The following PTPN13 variants were observed in gnomAD, a reference collection of about 807,000 sequenced individuals.
PTPN13 encodes the protein protein tyrosine phosphatase non-receptor type 13, also known as tyrosine-protein phosphatase non-receptor type 13.
Under a neutral mutation model 284.0 loss-of-function variants are expected in PTPN13, and 191 were observed. The observed-to-expected ratio is 0.67, with a 90% CI of 0.60 to 0.76. The LOEUF (loss-of-function observed/expected upper bound fraction) is 0.76. Among genes scored for constraint, PTPN13 ranks in the 30% least tolerant of loss-of-function variants. The pLI, the probability that PTPN13 is intolerant of heterozygous loss-of-function variation, is 0.00. For synonymous variants in PTPN13, 986 were observed against 1,022.3 expected, an observed-to-expected ratio of 0.96 and a Z score of 0.68; for missense variants, 2,797 against 2,939.9, an observed-to-expected ratio of 0.95 and a Z score of 1.12.
Position 86,615,865 on chromosome 4 carries a change from A to G in PTPN13, c.-5-19387A>G, listed in dbSNP as rs1011373435. ...ATCATATCTCCTACTCTCTTCCCCA[A>G]TGGAAACAGTTCCAGCTATTTCTAA... On this transcript the variant is annotated intron_variant, in intron 1 of 47. Transcript: ENST00000411767. 4.6e-5 allele frequency among the ~76,000 whole-genome samples: 7 copies of G among 152,272 alleles called. No homozygotes were observed. The East Asian group carries it at 7.7e-4, about 17-fold the overall frequency.
At chr4:86,788,234 T>C (rs890703817) in intron 40 of PTPN13, among the ~76,000 whole-genome samples, 1 of 152,164 alleles carries the variant, frequency 6.6e-6, no homozygotes, top group Non-Finnish European at 1.5e-5. Context: ...ATATGACTAA[T>C]CTCCCCTAGC....
At chr4:86,732,830 T>A in intron 12 of PTPN13, 64 bp downstream of exon 12, 3 of 1,406,174 alleles carry the variant, frequency 2.1e-6, no homozygotes, top group Non-Finnish European at 2.9e-6. Context: ...ACTTCCTATG[T>A]TTGTTACCAT....
intron 1 of PTPN13, among the ~76,000 whole-genome samples, chr4:86,626,692 A>C (rs948701309): frequency 6.6e-6 from 1 of 152,154 alleles, no homozygotes; most frequent in Non-Finnish European, 1.5e-5. Context: ...TATGAAAAAC[A>C]GTAATCCTGA....
intron 14 of PTPN13, among the ~76,000 whole-genome samples, chr4:86,735,326 G>A (rs1225200269): frequency 6.6e-6 from 1 of 152,178 alleles, no homozygotes; most frequent in African/African-American, 2.4e-5. Flanking sequence ...TGCTGGAGCA[G>A]CATCCTTCAC....
At chr4:86,740,539 T>C (rs1032475106) in intron 15 of PTPN13, among the ~76,000 whole-genome samples, 3 of 152,130 alleles carry the variant, frequency 2.0e-5, no homozygotes, top group East Asian at 3.9e-4. Flanking sequence ...AAAACCATTT[T>C]TTCCTCCTAA....
intron 1 of PTPN13, among the ~76,000 whole-genome samples, chr4:86,628,500 T>A (rs927210688): frequency 1.0e-5 from 1 of 98,712 alleles, no homozygotes; most frequent in African/African-American, 4.7e-5. Flanking sequence ...ATTTTTTTTT[T>A]TAATTTTTTT....
intron 2 of PTPN13, among the ~76,000 whole-genome samples, chr4:86,662,924 AG>A (rs1481373881): frequency 6.6e-6 from 1 of 152,230 alleles, no homozygotes; most frequent in East Asian, 1.9e-4. Context: ...CAGAAGCAGG[AG>A]GATTGCTTGA....
At chr4:86,783,089 A>G (rs1293444288) in intron 37 of PTPN13, among the ~76,000 whole-genome samples, 2 of 152,318 alleles carry the variant, frequency 1.3e-5, no homozygotes, top group East Asian at 3.9e-4. Flanking sequence ...TTATGTCAAC[A>G]TGAGCTGGCT....
At chr4:86,680,407 C>G (rs1315044352) in intron 3 of PTPN13, among the ~76,000 whole-genome samples, 1 of 151,096 alleles carries the variant, frequency 6.6e-6, no homozygotes, top group Non-Finnish European at 1.5e-5. Flanking sequence ...CTATCTCTAT[C>G]TCTATCTCTG....
At chr4:86,644,395 C>T (rs1446228183) in intron 2 of PTPN13, among the ~76,000 whole-genome samples, 2 of 152,154 alleles carry the variant, frequency 1.3e-5, no homozygotes, top group Admixed American at 6.5e-5. Context: ...TCGCATCAGC[C>T]TCGCAAAGTG....
chr4:86,810,893 C>T (rs1190582936), intron 46 of PTPN13, among the ~76,000 whole-genome samples, 153 bp from the exon 47 acceptor site: 1 of 152,146 alleles, frequency 6.6e-6, no homozygotes, highest in East Asian at 1.9e-4. Context: ...GTCCATTCGC[C>T]AAGTCATTTT....
intron 30 of PTPN13, among the ~76,000 whole-genome samples, chr4:86,770,745 A>G (rs530038434): frequency 6.6e-6 from 1 of 152,284 alleles, no homozygotes; most frequent in East Asian, 1.9e-4. Flanking sequence ...ATAGAAACTC[A>G]GGTAAAAATT....
At chr4:86,656,175 C>T (rs1050742153) in intron 2 of PTPN13, among the ~76,000 whole-genome samples, 4 of 152,270 alleles carry the variant, frequency 2.6e-5, no homozygotes, top group Non-Finnish European at 4.4e-5. Context: ...AGCTTCTTTG[C>T]GATGAGTTCC....
intron 14 of PTPN13, among the ~76,000 whole-genome samples, chr4:86,735,326 G>T (rs1225200269): frequency 1.3e-5 from 2 of 152,178 alleles, no homozygotes; most frequent in Non-Finnish European, 2.9e-5. Context: ...TGCTGGAGCA[G>T]CATCCTTCAC....
intron 1 of PTPN13, among the ~76,000 whole-genome samples, chr4:86,596,867 T>C (rs1763854841): frequency 6.6e-6 from 1 of 152,218 alleles, no homozygotes; most frequent in Non-Finnish European, 1.5e-5. Context: ...AAAACATTTT[T>C]ATGCATAATT....
At chr4:86,678,348 G>T (rs1170496623) in intron 3 of PTPN13, among the ~76,000 whole-genome samples, 2 of 152,004 alleles carry the variant, frequency 1.3e-5, no homozygotes, top group African/African-American at 4.8e-5. Flanking sequence ...GAGGTCAAAG[G>T]AATAAGCCCA....
intron 40 of PTPN13, among the ~76,000 whole-genome samples, chr4:86,791,034 T>G (rs1227203307): frequency 3.3e-5 from 5 of 151,748 alleles, no homozygotes; most frequent in Non-Finnish European, 7.4e-5. Context: ...TGAAGCAGGG[T>G]GGGGCGTCGC....
chr4:86,763,145 T>C lies in PTPN13; in HGVS notation c.3972T>C (p.Asp1324=). The C allele has an allele frequency of 6.2e-7, 1 of 1,613,618 alleles. No individual in the cohort carries two copies. The highest frequency in any genetic ancestry group is 8.5e-7 in the Non-Finnish European group (1 of 1,179,832). ...DYSDRGDSDM[D]EATYSSSQDH... is the part of the protein sequence containing the mutation. ...CAGACCGTGGAGATTCAGACATGGA[T>C]GAAGCCACTTACTCCAGCAGTCAGG... The change falls in exon 24 of 48, where the codon GAT becomes GAC. Residue 1324 remains aspartate, a synonymous_variant. Transcript: ENST00000411767.
chr4:86,787,684 G>C (rs988441919), intron 40 of PTPN13, among the ~76,000 whole-genome samples: 7 of 151,536 alleles, frequency 4.6e-5, no homozygotes, highest in Admixed American at 2.0e-4. Context: ...CCTTTCCACT[G>C]TGCATATCAA....
Sources: gnomAD v4.1 joint callset for allele counts (sites outside exome capture counted in the v4.1 genomes callset) on GRCh38, gnomAD v4.1.1 for gene constraint, MANE v1.5 for transcripts, NCBI Gene and HGNC (gene_info 2026-07-23, HGNC 2026-07-21) for gene names.